The following TRHDE variants were observed in gnomAD, a reference collection of about 807,000 sequenced individuals.
TRHDE encodes thyrotropin-releasing hormone-degrading ectoenzyme.
In TRHDE, 72 loss-of-function variants were observed where a neutral mutation model predicts 125.7. The observed-to-expected ratio is 0.57, with a 90% confidence interval of 0.47 to 0.70. The LOEUF (loss-of-function observed/expected upper bound fraction) is 0.70. Among genes scored for constraint, TRHDE ranks in the 30% least tolerant of loss-of-function variants. The pLI is 0.00. For synonymous variants in TRHDE, 509 were observed against 509.1 expected, an observed-to-expected ratio of 1.00 and a Z score of 0.00; for missense variants, 1,110 against 1,327.1, an observed-to-expected ratio of 0.84 and a Z score of 2.54.
chr12:72,573,369 A>G (rs889910224), intron 10 of TRHDE, among the ~76,000 whole-genome samples: 2 of 152,022 alleles, frequency 1.3e-5, no homozygotes, highest in African/African-American at 2.4e-5. Flanking sequence ...TTTGAAAACT[A>G]TACAATCATA....
intron 3 of TRHDE, among the ~76,000 whole-genome samples, chr12:72,401,316 A>G (rs1445134903): frequency 6.6e-6 from 1 of 152,194 alleles, no homozygotes; most frequent in East Asian, 1.9e-4. Context: ...CTTAACATGC[A>G]TTATCTCATT....
intron 2 of TRHDE, among the ~76,000 whole-genome samples, chr12:72,141,538 T>C (rs915637439): frequency 6.6e-6 from 1 of 152,178 alleles, no homozygotes; most frequent in Admixed American, 6.5e-5. Flanking sequence ...GTTTCTACTC[T>C]TAGGATGACT....
At chr12:72,586,919 G>A (rs1341047937) in intron 12 of TRHDE, among the ~76,000 whole-genome samples, 1 of 152,064 alleles carries the variant, frequency 6.6e-6, no homozygotes, top group Admixed American at 6.6e-5. Context: ...AGAATTTTAT[G>A]TGGATGCTAA....
intron 2 of TRHDE, among the ~76,000 whole-genome samples, chr12:72,139,428 G>C (rs985066194): frequency 1.3e-5 from 2 of 152,118 alleles, no homozygotes; most frequent in Non-Finnish European, 2.9e-5. Flanking sequence ...AAATATCAAA[G>C]TATATGTTTT....
chr12:72,520,890 A>C (rs1879163446), intron 6 of TRHDE, among the ~76,000 whole-genome samples: 1 of 152,192 alleles, frequency 6.6e-6, no homozygotes. Context: ...TTAAAATTAT[A>C]CTTTTTTCAC....
chr12:72,472,840 G>T (rs1876712333), intron 4 of TRHDE, among the ~76,000 whole-genome samples: 1 of 151,992 alleles, frequency 6.6e-6, no homozygotes, highest in Non-Finnish European at 1.5e-5. Context: ...TGTGTTCATT[G>T]ATTATTCTTT....
chr12:72,485,419 G>A (rs907172363), intron 5 of TRHDE, among the ~76,000 whole-genome samples: 3 of 152,132 alleles, frequency 2.0e-5, no homozygotes, highest in African/African-American at 7.2e-5. Flanking sequence ...AACTGCTCCA[G>A]CCTCTGCATT....
chr12:72,226,717 A>G (rs1592491382), intron 2 of TRHDE, among the ~76,000 whole-genome samples: 3 of 152,176 alleles, frequency 2.0e-5, no homozygotes, highest in Non-Finnish European at 2.9e-5. Flanking sequence ...GGCTGGCATA[A>G]TTTAATATGT....
chr12:72,107,958 T>C (rs908352137), intron 2 of TRHDE, among the ~76,000 whole-genome samples: 3 of 152,156 alleles, frequency 2.0e-5, no homozygotes, highest in African/African-American at 7.2e-5. Flanking sequence ...CAACTAATGA[T>C]GTGACCTTTT....
At chr12:72,284,120 T>C (rs537831086) in intron 1 of TRHDE, among the ~76,000 whole-genome samples, 19 of 152,226 alleles carry the variant, frequency 1.2e-4, no homozygotes, top group African/African-American at 4.3e-4. Flanking sequence ...ACGTTTTTTA[T>C]TAGGATTTTT....
intron 2 of TRHDE, among the ~76,000 whole-genome samples, chr12:72,144,774 C>G (rs912436892): frequency 1.3e-5 from 2 of 152,202 alleles, no homozygotes; most frequent in Non-Finnish European, 2.9e-5. Context: ...GCCCACTTCT[C>G]TCAGAATAAC....
intron 2 of TRHDE, among the ~76,000 whole-genome samples, chr12:72,370,956 G>C (rs12424953): frequency 6.6e-6 from 1 of 151,836 alleles, no homozygotes; most frequent in Non-Finnish European, 1.5e-5. Flanking sequence ...TTGGCCATGC[G>C]GGTCTCGAAA....
rs531659324 is a variant in TRHDE at position 72,538,945 on chromosome 12, C to A, written c.1723-3346C>A. ...CTAAAAACTGTCTCAATCTTATTTTCCATCTAATCTTCCATTTTCTGGTTT... is the reference window on the plus strand; with the variant it reads ...CTAAAAACTGTCTCAATCTTATTTTACATCTAATCTTCCATTTTCTGGTTT... On this transcript the variant is annotated intron_variant, in intron 6 of 18. Transcript: ENST00000261180. 4.6e-5 allele frequency among the ~76,000 whole-genome samples: 7 copies of A among 151,960 alleles called. No homozygotes were observed. In the South Asian group the frequency reaches 1.5e-3, roughly 32 times the overall value.
At chr12:72,093,713 G>T (rs1371193964) in intron 1 of TRHDE, among the ~76,000 whole-genome samples, 1 of 151,966 alleles carries the variant, frequency 6.6e-6, no homozygotes, top group Non-Finnish European at 1.5e-5. Context: ...TTTTCATTTT[G>T]TTCATTCATT....
upstream of TRHDE, chr12:72,271,692 C>A: frequency 2.9e-6 from 1 of 345,346 alleles, no homozygotes; most frequent in South Asian, 2.2e-5. Context: ...TGGAGTAGCC[C>A]TGGCAATCTA....
At chr12:72,181,996 G>A (rs1220160294) in intron 2 of TRHDE, among the ~76,000 whole-genome samples, 1 of 152,090 alleles carries the variant, frequency 6.6e-6, no homozygotes, top group African/African-American at 2.4e-5. Context: ...TTTAAATGTG[G>A]AGTTTGGGTA....
chr12:72,542,970 A>G (rs2135988365), intron 7 of TRHDE, among the ~76,000 whole-genome samples: 1 of 151,480 alleles, frequency 6.6e-6, no homozygotes, highest in African/African-American at 2.4e-5. Flanking sequence ...AGCAGACACA[A>G]GTATACTGAA....
At chr12:72,584,837 T>G (rs1871375911) in intron 12 of TRHDE, among the ~76,000 whole-genome samples, 1 of 152,236 alleles carries the variant, frequency 6.6e-6, no homozygotes, top group Admixed American at 6.5e-5. Context: ...TTGGCTATTG[T>G]GAATAACTTT....
upstream of TRHDE, among the ~76,000 whole-genome samples, chr12:72,269,357 G>A (rs1407577862): frequency 3.3e-5 from 5 of 152,128 alleles, no homozygotes; most frequent in African/African-American, 1.2e-4. Flanking sequence ...CCATGAGCTA[G>A]TAAGTTGTGT....
Sources: allele counts gnomAD v4.1 joint callset (sites outside exome capture counted in the v4.1 genomes callset), GRCh38; gene constraint gnomAD v4.1.1; transcripts MANE v1.5; gene names NCBI Gene and HGNC (gene_info 2026-07-23, HGNC 2026-07-21).